CDH18: variants seen among roughly 807,000 people sequenced by gnomAD.
The protein encoded by CDH18 is cadherin 18, also known as cadherin-18.
A neutral mutation model predicts 67.9 loss-of-function variants in CDH18; 31 were observed. The ratio of observed to expected loss-of-function variants is 0.46; its 90% CI spans 0.34 to 0.62. The LOEUF (loss-of-function observed/expected upper bound fraction) is 0.62. CDH18 is among the 20% of genes least tolerant of loss of function. CDH18 has a pLI of 0.01. For missense variants in CDH18, 890 were observed against 975.5 expected, an observed-to-expected ratio of 0.91 and a Z score of 1.17; for synonymous variants, 362 against 347.2, an observed-to-expected ratio of 1.04 and a Z score of -0.48.
chr5:19,502,825 G>A (rs752304637), intron 11 of CDH18, 167 bp downstream of exon 11: 2 of 642,194 alleles, frequency 3.1e-6, no homozygotes, highest in Non-Finnish European at 5.7e-6. Context: ...TTGTACATAT[G>A]GCTCAATTTT....
intron 5 of CDH18, among the ~76,000 whole-genome samples, chr5:19,626,685 G>A (rs1751604018): frequency 6.6e-6 from 1 of 150,488 alleles, no homozygotes; most frequent in Non-Finnish European, 1.5e-5. Flanking sequence ...TTCTAGGAAA[G>A]GCAGATTAGT....
At chr5:20,270,201 G>A (rs948470514) in intron 1 of CDH18, among the ~76,000 whole-genome samples, 3 of 151,988 alleles carry the variant, frequency 2.0e-5, no homozygotes, top group Non-Finnish European at 4.4e-5. Flanking sequence ...GTTGCAATGT[G>A]AATCTTGATA....
At chr5:20,479,012 C>T (rs1481533960) in intron 1 of CDH18, among the ~76,000 whole-genome samples, 2 of 152,162 alleles carry the variant, frequency 1.3e-5, no homozygotes, top group African/African-American at 4.8e-5. Flanking sequence ...AGTGGTATCT[C>T]TACACATCTG....
chr5:20,329,151 G>A (rs1738917118), intron 1 of CDH18, among the ~76,000 whole-genome samples: 1 of 152,188 alleles, frequency 6.6e-6, no homozygotes, highest in Non-Finnish European at 1.5e-5. Context: ...GGGCTTCAAT[G>A]AGGAGTTGCA....
intron 1 of CDH18, among the ~76,000 whole-genome samples, chr5:20,431,156 G>A (rs1472994791): frequency 8.6e-5 from 13 of 152,012 alleles, no homozygotes; most frequent in Admixed American, 8.5e-4. Context: ...CTCTTAGTAA[G>A]CACACTGGAG....
At chr5:20,414,357 A>G (rs2150148607) in intron 1 of CDH18, among the ~76,000 whole-genome samples, 1 of 152,330 alleles carries the variant, frequency 6.6e-6, no homozygotes. Flanking sequence ...TAAGTGAATT[A>G]ACACAGAAAC....
chr5:20,158,235 A>G (rs1397521359), intron 2 of CDH18, among the ~76,000 whole-genome samples: 1 of 152,142 alleles, frequency 6.6e-6, no homozygotes, highest in Non-Finnish European at 1.5e-5. Context: ...TATTTATGTC[A>G]GGAGGTTAGA....
At chr5:20,248,779 T>C (rs1420000726) in intron 2 of CDH18, among the ~76,000 whole-genome samples, 1 of 152,342 alleles carries the variant, frequency 6.6e-6, no homozygotes, top group East Asian at 1.9e-4. Context: ...ATTATTTTTG[T>C]TTCAGTTGAT....
intron 3 of CDH18, among the ~76,000 whole-genome samples, chr5:19,756,690 G>A (rs1771650172): frequency 6.6e-6 from 1 of 152,222 alleles, no homozygotes; most frequent in Admixed American, 6.5e-5. Flanking sequence ...GAAGCCTAAA[G>A]TGGCAGTCTT....
chr5:20,329,498 C>T (rs1410961846), intron 1 of CDH18, among the ~76,000 whole-genome samples: 2 of 151,990 alleles, frequency 1.3e-5, no homozygotes, highest in South Asian at 2.1e-4. Flanking sequence ...CATGGTTGCT[C>T]ACGCCTGTAA....
intron 5 of CDH18, among the ~76,000 whole-genome samples, chr5:19,655,849 A>C (rs1308526000): frequency 1.3e-5 from 2 of 152,166 alleles, no homozygotes; most frequent in Non-Finnish European, 2.9e-5. Context: ...ACTCTCTAAC[A>C]GGCTGTCAGC....
intron 2 of CDH18, among the ~76,000 whole-genome samples, chr5:20,202,909 G>T (rs1159028487): frequency 2.6e-5 from 4 of 151,796 alleles, no homozygotes; most frequent in Non-Finnish European, 5.9e-5. Context: ...CTCCCATTCA[G>T]AAGAAAACAA....
chr5:19,600,348 T>C (rs1320191377), intron 6 of CDH18, among the ~76,000 whole-genome samples: 2 of 151,732 alleles, frequency 1.3e-5, no homozygotes, highest in Admixed American at 6.6e-5. Flanking sequence ...AAAAGTATAA[T>C]AATTAAAAAT....
At chr5:20,360,173 A>G (rs1741978442) in intron 1 of CDH18, among the ~76,000 whole-genome samples, 1 of 149,864 alleles carries the variant, frequency 6.7e-6, no homozygotes, top group Non-Finnish European at 1.5e-5. Context: ...AACTATAATA[A>G]ACCATTAGAT....
At chr5:20,098,247 G>C (rs1002317805) in intron 2 of CDH18, among the ~76,000 whole-genome samples, 8 of 151,880 alleles carry the variant, frequency 5.3e-5, no homozygotes, top group African/African-American at 1.9e-4. Flanking sequence ...TATTTAATCA[G>C]TAAAACCTCA....
intron 2 of CDH18, among the ~76,000 whole-genome samples, chr5:20,200,961 G>T (rs531966612): frequency 6.6e-6 from 1 of 151,946 alleles, no homozygotes; most frequent in South Asian, 2.1e-4. Context: ...TATTTTCATT[G>T]TTTCCCTGTA....
intron 4 of CDH18, among the ~76,000 whole-genome samples, chr5:19,726,863 T>C (rs1024881912): frequency 6.6e-6 from 1 of 152,164 alleles, no homozygotes; most frequent in African/African-American, 2.4e-5. Context: ...AAATACCGTG[T>C]GAGAGCAGAT....
Position 19,502,986 on chromosome 5 carries a change from G to A in CDH18, c.1630+6C>T. On this transcript the variant is annotated splice_donor_region_variant and intron_variant, in intron 11 of 12. Coordinates refer to ENST00000382275, the MANE Select transcript of CDH18 (RefSeq NM_004934.5). ...TAGATAAACAAATATGTGTATATAT[G>A]TTCACCTTCATTGTCCTTCAGAGTG... 1 of 1,492,090 alleles carries A rather than the reference G, an allele frequency of 6.7e-7. No individual in the cohort carries two copies. The highest frequency in any genetic ancestry group is 9.4e-7 in the Non-Finnish European group (1 of 1,069,160). 92.4% of individuals were successfully genotyped at this position (1,492,090 alleles called of 1,614,324 possible).
intron 2 of CDH18, among the ~76,000 whole-genome samples, chr5:20,035,955 A>ATTG (rs146425401): frequency 6.6e-6 from 1 of 151,682 alleles, no homozygotes; most frequent in East Asian, 1.9e-4. Context: ...TTGTTTTTGT[A>ATTG]TTGTTGTTGT....
Sources: allele counts gnomAD v4.1 joint callset (sites outside exome capture counted in the v4.1 genomes callset), GRCh38; gene constraint gnomAD v4.1.1; transcripts MANE v1.5; gene names NCBI Gene and HGNC (gene_info 2026-07-23, HGNC 2026-07-21).